KSR2: variants seen among roughly 807,000 people sequenced by gnomAD.
KSR2 encodes the protein kinase suppressor of ras 2.
Under a neutral mutation model 107.8 loss-of-function variants are expected in KSR2, and 25 were observed. That is an observed-to-expected ratio of 0.23 (90% CI 0.17 to 0.32). The LOEUF (loss-of-function observed/expected upper bound fraction) is 0.32, where lower values mean the gene tolerates loss of function less well. Ranked by LOEUF, KSR2 falls within the 10% of genes least tolerant of loss-of-function variation. The pLI is 1.00. For missense variants in KSR2, 887 were observed against 1,268.9 expected, an observed-to-expected ratio of 0.70 and a Z score of 4.57; for synonymous variants, 480 against 507.0, an observed-to-expected ratio of 0.95 and a Z score of 0.71.
chr12:117,537,010 C>T (rs553180181), intron 10 of KSR2, among the ~76,000 whole-genome samples: 15 of 152,300 alleles, frequency 9.8e-5, no homozygotes, highest in East Asian at 1.9e-4. Context: ...GTCAGGAGTT[C>T]GAGATGAGCC....
chr12:117,794,063 T>TGC (rs570476902), intron 3 of KSR2, among the ~76,000 whole-genome samples: 26 of 104,096 alleles, frequency 2.5e-4, no homozygotes, highest in Admixed American at 5.1e-4. Context: ...CGTACCAACA[T>TGC]GCACACATAC....
intron 3 of KSR2, among the ~76,000 whole-genome samples, 152 bp from the exon 4 acceptor site, chr12:117,761,676 T>C (rs1412309465): frequency 6.6e-6 from 1 of 152,168 alleles, no homozygotes. Flanking sequence ...ATCGTATGCA[T>C]GTTATCTCAT....
At position 117,535,604 on chromosome 12, in the gene KSR2, TTGTGTGTGTGTGTGTGTGTG is replaced by T. The variant is rs5801239; in HGVS notation, c.1688-3917_1688-3898del. On this transcript the variant is annotated intron_variant, in intron 10 of 19. Transcript: ENST00000339824. ...CATTAGAATTCACCATTTCCTGGAG[TTGTGTGTGTGTGTGTGTGTG>T]TGTGTGTGTGTGTGTGTGTGTGTGT... is the stretch of plus-strand genomic sequence containing the variant. Among the ~76,000 whole-genome samples the T allele has an allele frequency of 2.0e-3, 281 of 142,324 alleles. 4 individuals carry two copies. In the Middle Eastern group the frequency reaches 0.021, roughly 11 times the overall value. The allele number at this position is 142,324 out of a possible 152,430, so 93.4% of individuals were successfully genotyped here. A position where few individuals can be genotyped will look rare whatever the true frequency, so the allele number is the denominator to read the frequency against.
chr12:117,870,578 A>G (rs1818800221), intron 1 of KSR2, among the ~76,000 whole-genome samples: 2 of 152,102 alleles, frequency 1.3e-5, no homozygotes, highest in Admixed American at 1.3e-4. Context: ...CAGCCTGGGC[A>G]AGACGGAGCG....
intron 4 of KSR2, among the ~76,000 whole-genome samples, chr12:117,756,257 A>G (rs1464253305): frequency 1.3e-5 from 2 of 152,242 alleles, no homozygotes; most frequent in African/African-American, 4.8e-5. Flanking sequence ...TCTCAGAGCT[A>G]GAGAGACGAA....
chr12:117,651,384 G>A (rs1449149837), intron 5 of KSR2, among the ~76,000 whole-genome samples: 1 of 152,096 alleles, frequency 6.6e-6, no homozygotes, highest in African/African-American at 2.4e-5. Flanking sequence ...GACCCATGAG[G>A]AGGTGCACTA....
chr12:117,790,607 C>G (rs1890221414), intron 3 of KSR2, among the ~76,000 whole-genome samples: 1 of 152,198 alleles, frequency 6.6e-6, no homozygotes, highest in Non-Finnish European at 1.5e-5. Context: ...TTGTGGGCCA[C>G]AAGGAACAAA....
At chr12:117,947,028 G>A (rs1896200093) in intron 1 of KSR2, among the ~76,000 whole-genome samples, 1 of 151,700 alleles carries the variant, frequency 6.6e-6, no homozygotes, top group South Asian at 2.1e-4. Context: ...AATTAGCTGG[G>A]TGTGGTGGTG....
chr12:117,829,537 C>T (rs1175727182), intron 3 of KSR2, among the ~76,000 whole-genome samples: 1 of 152,208 alleles, frequency 6.6e-6, no homozygotes, highest in Non-Finnish European at 1.5e-5. Context: ...TCCCAAAACA[C>T]TTGATGAATG....
chr12:117,497,000 C>CACCTGTACATGGTGGTACAG (rs1179445024), intron 14 of KSR2, among the ~76,000 whole-genome samples: 3 of 151,504 alleles, frequency 2.0e-5, no homozygotes, highest in Non-Finnish European at 2.9e-5. Flanking sequence ...TGGTGGTACA[C>CACCTGTACATGGTGGTACAG]ACCTGTACAT....
At chr12:117,591,879 C>T (rs181420891) in intron 5 of KSR2, among the ~76,000 whole-genome samples, 4 of 152,018 alleles carry the variant, frequency 2.6e-5, no homozygotes, top group South Asian at 2.1e-4. Flanking sequence ...TGTGGTGGCT[C>T]ATGCCTGTAA....
intron 3 of KSR2, among the ~76,000 whole-genome samples, chr12:117,763,197 A>G (rs1889108754): frequency 6.6e-6 from 1 of 151,938 alleles, no homozygotes; most frequent in Non-Finnish European, 1.5e-5. Context: ...AATTTCATCC[A>G]TGTCCCTACA....
chr12:117,696,283 A>C (rs1009444401), intron 4 of KSR2, among the ~76,000 whole-genome samples: 1 of 152,214 alleles, frequency 6.6e-6, no homozygotes, highest in African/African-American at 2.4e-5. Context: ...TACCTGGGTC[A>C]TAAGAAAAGC....
chr12:117,861,378 C>CTT lies in KSR2; in HGVS notation c.181-949_181-948dup, dbSNP rs5801257. Among the ~76,000 whole-genome samples the CTT allele has an allele frequency of 8.1e-4, 66 of 81,684 alleles. 12 individuals carry two copies. The highest frequency in any genetic ancestry group is 1.4e-3 in the African/African-American group (25 of 17,572). The allele number at this position is 81,684 out of a possible 152,430, so 53.6% of individuals were successfully genotyped here. A position where few individuals can be genotyped will look rare whatever the true frequency, so the allele number is the denominator to read the frequency against. ...TCTGTCCACAAGGACTCCCAATTCGCTTTTTTTTTTTTTTTTTTTTTTTTT... is the reference window on the plus strand; with the variant it reads ...TCTGTCCACAAGGACTCCCAATTCGCTTTTTTTTTTTTTTTTTTTTTTTTTTT... On this transcript the variant is annotated intron_variant, in intron 1 of 19. Transcript: ENST00000339824.
At chr12:117,903,825 G>A (rs1426301623) in intron 1 of KSR2, among the ~76,000 whole-genome samples, 2 of 152,268 alleles carry the variant, frequency 1.3e-5, no homozygotes, top group East Asian at 3.9e-4. Flanking sequence ...GGGAAACACA[G>A]GGAAACTCCA....
chr12:117,649,916 G>T (rs2136431722), intron 5 of KSR2, among the ~76,000 whole-genome samples: 1 of 152,268 alleles, frequency 6.6e-6, no homozygotes, highest in South Asian at 2.1e-4. Context: ...GGGGTTGGAG[G>T]AGTGCTCCTC....
chr12:117,608,423 A>C (rs569393349), intron 5 of KSR2, among the ~76,000 whole-genome samples: 1 of 152,354 alleles, frequency 6.6e-6, no homozygotes, highest in South Asian at 2.1e-4. Context: ...CATCACTATT[A>C]TAATTTTTAA....
At chr12:117,892,741 C>T (rs577762330) in intron 1 of KSR2, among the ~76,000 whole-genome samples, 17 of 124,776 alleles carry the variant, frequency 1.4e-4, no homozygotes, top group African/African-American at 5.1e-4. Context: ...AAAATATTTA[C>T]TATATGTCTC....
chr12:117,685,389 C>G (rs1221614599), intron 4 of KSR2, among the ~76,000 whole-genome samples: 1 of 152,220 alleles, frequency 6.6e-6, no homozygotes, highest in Non-Finnish European at 1.5e-5. Flanking sequence ...AGAGATTTCA[C>G]GGCCATGTGG....
Sources: gnomAD v4.1 joint callset for allele counts (sites outside exome capture counted in the v4.1 genomes callset) on GRCh38, gnomAD v4.1.1 for gene constraint, MANE v1.5 for transcripts, NCBI Gene and HGNC (gene_info 2026-07-23, HGNC 2026-07-21) for gene names.